Variants in EYS observed in about 807,000 individuals in gnomAD.
The protein encoded by EYS is EGF-like photoreceptor maintenance factor, also known as protein eyes shut homolog.
A neutral mutation model predicts 282.1 loss-of-function variants in EYS; 250 were observed. The ratio of observed to expected loss-of-function variants is 0.89; its 90% CI spans 0.80 to 0.98. The LOEUF (loss-of-function observed/expected upper bound fraction) is 0.98, where lower values mean the gene tolerates loss of function less well. Among genes scored for constraint, EYS ranks in the 50% least tolerant of loss-of-function variants. The pLI is 0.00. For synonymous variants in EYS, 1,355 were observed against 1,282.9 expected (o/e 1.06, Z -1.20); for missense variants, 4,016 against 3,709.0 (o/e 1.08, Z -2.15).
At chr6:64,225,962 C>T (rs1766242019) in intron 31 of EYS, among the ~76,000 whole-genome samples, 6 of 152,106 alleles carry the variant, frequency 3.9e-5, no homozygotes, top group Admixed American at 3.9e-4. Context: ...TGCAGCATTG[C>T]TCTCTGATTT....
At chr6:65,600,591 C>G (rs754958818) in intron 2 of EYS, among the ~76,000 whole-genome samples, 2 of 152,004 alleles carry the variant, frequency 1.3e-5, no homozygotes, top group Non-Finnish European at 2.9e-5. Flanking sequence ...ATAATGTCCC[C>G]TCGTGAACAC....
At position 64,438,225 on chromosome 6, in the gene EYS, C is replaced by T. The variant is rs145834735; in HGVS notation, c.5835+937G>A. On this transcript the variant is annotated intron_variant, in intron 27 of 42. Transcript: ENST00000503581. ...TCAGCAATCTCAAACTTTTTGATCT[C>T]ACAGTCTCTTTGCATTCTTAACGTT... Among the ~76,000 whole-genome samples the T allele has an allele frequency of 3.2e-3, 483 of 151,852 alleles. 3 individuals carry two copies. The highest frequency in any genetic ancestry group is 0.024 in the East Asian group (125 of 5,176).
intron 19 of EYS, among the ~76,000 whole-genome samples, chr6:64,881,229 G>A (rs1211261157): frequency 6.6e-6 from 1 of 151,706 alleles, no homozygotes; most frequent in African/African-American, 2.4e-5. Flanking sequence ...ACATTAAAAA[G>A]AAAGCTCATT....
chr6:63,884,653 GTCAAATT>G (rs1480410162), intron 35 of EYS, among the ~76,000 whole-genome samples: 4 of 152,134 alleles, frequency 2.6e-5, no homozygotes, highest in Non-Finnish European at 5.9e-5. Flanking sequence ...CCTCTTTAGT[GTCAAATT>G]TATTTTTCAG....
At chr6:65,585,467 A>G (rs1442215070) in intron 2 of EYS, among the ~76,000 whole-genome samples, 1 of 152,014 alleles carries the variant, frequency 6.6e-6, no homozygotes. Flanking sequence ...AAACTAAAAT[A>G]ATCAAAAATG....
chr6:63,811,311 A>C (rs1771040852), intron 36 of EYS, among the ~76,000 whole-genome samples: 1 of 152,148 alleles, frequency 6.6e-6, no homozygotes, highest in Non-Finnish European at 1.5e-5. Context: ...TTTTCTTTGA[A>C]CTTTTGTATG....
chr6:63,901,716 A>T (rs961822223), intron 35 of EYS, among the ~76,000 whole-genome samples: 1 of 152,212 alleles, frequency 6.6e-6, no homozygotes, highest in African/African-American at 2.4e-5. Flanking sequence ...CTGGAATAAG[A>T]TACAAGTTGA....
chr6:63,803,596 A>G (rs550776296), intron 37 of EYS, among the ~76,000 whole-genome samples: 4 of 152,306 alleles, frequency 2.6e-5, no homozygotes, highest in South Asian at 2.1e-4. Context: ...TAGAGGACAT[A>G]GCATTTGAAC....
rs1309031067 is a variant in EYS at position 63,726,699 on chromosome 6, G to A, written c.8072-19C>T. 6.5e-7 allele frequency: 1 copy of A among 1,544,842 alleles called. No individual in the cohort carries two copies. Among genetic ancestry groups the A allele is most frequent in the East Asian group, 2.5e-5 (1 of 40,810 alleles). On this transcript the variant is annotated intron_variant, in intron 41 of 42. Transcript: ENST00000503581. The stretch of plus-strand genomic sequence containing the variant: ...GATAAAGCTGAGGGAAGGAGAGAAA[G>A]AGAACTCTGGGAGTTATCTGCTGGA...
At chr6:65,550,151 T>A (rs1348838782) in intron 2 of EYS, among the ~76,000 whole-genome samples, 7 of 21,154 alleles carry the variant, frequency 3.3e-4, no homozygotes, top group South Asian at 2.4e-3. Flanking sequence ...ATCTTTTTTT[T>A]TTTTTTTTTT....
At chr6:64,683,611 T>C (rs1227924564) in intron 22 of EYS, among the ~76,000 whole-genome samples, 1 of 151,854 alleles carries the variant, frequency 6.6e-6, no homozygotes, top group East Asian at 1.9e-4. Context: ...TGTCCTAGGA[T>C]AGGAGATAAA....
At chr6:65,152,775 G>C (rs1393676816) in intron 12 of EYS, among the ~76,000 whole-genome samples, 1 of 151,178 alleles carries the variant, frequency 6.6e-6, no homozygotes, top group Non-Finnish European at 1.5e-5. Context: ...ATAAATATAT[G>C]AATCATAGAT....
intron 2 of EYS, among the ~76,000 whole-genome samples, chr6:65,533,011 TA>T (rs994549949): frequency 3.3e-5 from 5 of 152,120 alleles, no homozygotes; most frequent in Admixed American, 2.6e-4. Context: ...TTTTTAATAA[TA>T]AAAAAGGATA....
chr6:64,525,001 C>T (rs562194844), intron 26 of EYS, among the ~76,000 whole-genome samples: 3 of 151,804 alleles, frequency 2.0e-5, no homozygotes, highest in Admixed American at 6.6e-5. Context: ...AGTCAGAATG[C>T]TATTAATAAA....
intron 18 of EYS, among the ~76,000 whole-genome samples, chr6:64,896,458 A>C (rs529915364): frequency 6.6e-6 from 1 of 152,232 alleles, no homozygotes; most frequent in Non-Finnish European, 1.5e-5. Context: ...AGTTTCCCTC[A>C]GGTGCCTACA....
intron 22 of EYS, among the ~76,000 whole-genome samples, chr6:64,647,482 C>A (rs955673351): frequency 1.3e-5 from 2 of 152,058 alleles, no homozygotes; most frequent in South Asian, 2.1e-4. Context: ...TACTCAACAA[C>A]TTTATAAACT....
At chr6:64,067,217 ATC>A (rs1300013898) in intron 32 of EYS, among the ~76,000 whole-genome samples, 1 of 152,064 alleles carries the variant, frequency 6.6e-6, no homozygotes, top group African/African-American at 2.4e-5. Context: ...AAGCCCATGG[ATC>A]TCTCTTTTTA....
At chr6:64,920,248 T>C (rs906018532) in intron 15 of EYS, among the ~76,000 whole-genome samples, 2 of 152,092 alleles carry the variant, frequency 1.3e-5, no homozygotes, top group East Asian at 3.9e-4. Context: ...AGACAACACT[T>C]GCTCAAAAAG....
chr6:65,642,399 G>A (rs1212938229), intron 1 of EYS, among the ~76,000 whole-genome samples: 1 of 152,010 alleles, frequency 6.6e-6, no homozygotes, highest in Non-Finnish European at 1.5e-5. Flanking sequence ...CATCCAGAGA[G>A]GATTTCTGTT....
Sources: gnomAD v4.1 joint callset for allele counts (sites outside exome capture counted in the v4.1 genomes callset) on GRCh38, gnomAD v4.1.1 for gene constraint, MANE v1.5 for transcripts, NCBI Gene and HGNC (gene_info 2026-07-23, HGNC 2026-07-21) for gene names.